Variants in AP3B1 observed in about 807,000 individuals in gnomAD.
The protein encoded by AP3B1 is AP-3 complex subunit beta-1.
A neutral mutation model predicts 132.5 loss-of-function variants in AP3B1; 61 were observed. That is an observed-to-expected ratio of 0.46 (90% CI 0.37 to 0.57). The LOEUF is 0.57. Ranked by LOEUF, AP3B1 falls within the 20% of genes least tolerant of loss-of-function variation. AP3B1 has a pLI of 0.00. For synonymous variants in AP3B1, 388 were observed against 438.3 expected, an observed-to-expected ratio of 0.89 and a Z score of 1.43; for missense variants, 1,120 against 1,289.4, an observed-to-expected ratio of 0.87 and a Z score of 2.01.
chr5:78,127,909 T>C, intron 17 of AP3B1, 121 bp downstream of exon 17: 1 of 1,174,800 alleles, frequency 8.5e-7, no homozygotes, highest in South Asian at 1.2e-5. Flanking sequence ...ACACATTACA[T>C]TTAGAAATAC....
chr5:78,036,403 G>A (rs1747808784), intron 23 of AP3B1, among the ~76,000 whole-genome samples: 1 of 152,136 alleles, frequency 6.6e-6, no homozygotes, highest in African/African-American at 2.4e-5. Flanking sequence ...AGAAGTGGCT[G>A]AAAAACACTG....
At chr5:78,053,621 A>C (rs539726603) in intron 22 of AP3B1, among the ~76,000 whole-genome samples, 1 of 148,498 alleles carries the variant, frequency 6.7e-6, no homozygotes, top group South Asian at 2.2e-4. Context: ...CGGAGGTTAC[A>C]GTGAGCCGAG....
At chr5:78,171,624 T>G (rs1452962660) in intron 11 of AP3B1, among the ~76,000 whole-genome samples, 1 of 152,192 alleles carries the variant, frequency 6.6e-6, no homozygotes, top group Non-Finnish European at 1.5e-5. Context: ...TTTATCAACT[T>G]AAGGAGATTT....
intron 22 of AP3B1, among the ~76,000 whole-genome samples, chr5:78,087,091 C>A (rs374740288): frequency 1.4e-3 from 220 of 152,244 alleles, no homozygotes; most frequent in African/African-American, 4.9e-3. Flanking sequence ...CAAACAGTTA[C>A]ATATCATTGA....
chr5:78,069,569 G>C (rs533075886), intron 22 of AP3B1, among the ~76,000 whole-genome samples: 3 of 152,174 alleles, frequency 2.0e-5, no homozygotes, highest in African/African-American at 7.2e-5. Flanking sequence ...TCTTCAAGGA[G>C]AACTACAAAC....
At chr5:78,225,674 A>C in intron 5 of AP3B1, 66 bp from the exon 6 acceptor site, 1 of 1,010,506 alleles carries the variant, frequency 9.9e-7, no homozygotes, top group South Asian at 1.4e-5. Flanking sequence ...ATGCTCACCA[A>C]TTCAAGGATG....
chr5:78,216,980 GAC>G (rs772559560), intron 6 of AP3B1, among the ~76,000 whole-genome samples: 8 of 151,938 alleles, frequency 5.3e-5, no homozygotes, highest in Non-Finnish European at 1.0e-4. Context: ...TTACTCTAAA[GAC>G]ACAAACTAAG....
chr5:78,261,317 C>T (rs1748081160), intron 2 of AP3B1, among the ~76,000 whole-genome samples: 2 of 152,172 alleles, frequency 1.3e-5, no homozygotes, highest in Admixed American at 1.3e-4. Flanking sequence ...GTAAAGTGAT[C>T]TTACTATGGT....
chr5:78,002,295 AAT>A, downstream of AP3B1: 1 of 256,788 alleles, frequency 3.9e-6, no homozygotes, highest in Admixed American at 5.3e-5. Flanking sequence ...CAGGATTATT[AAT>A]AGTTTCTCAT....
chr5:78,146,050 CAGG>C (rs1234787632), intron 14 of AP3B1, among the ~76,000 whole-genome samples: 4 of 152,260 alleles, frequency 2.6e-5, no homozygotes, highest in African/African-American at 9.6e-5. Context: ...GGTAGAGATT[CAGG>C]AGGACAGAAG....
intron 7 of AP3B1, among the ~76,000 whole-genome samples, chr5:78,209,872 C>T (rs1745661750): frequency 6.6e-6 from 1 of 151,840 alleles, no homozygotes; most frequent in African/African-American, 2.4e-5. Flanking sequence ...TTAAAGTTTT[C>T]TTTTTTAAAA....
intron 19 of AP3B1, among the ~76,000 whole-genome samples, chr5:78,110,886 G>T (rs1751562326): frequency 6.6e-6 from 1 of 151,884 alleles, no homozygotes; most frequent in African/African-American, 2.4e-5. Flanking sequence ...AGCCTCCCAA[G>T]TAGTTGGGAC....
At chr5:78,240,155 T>C (rs925329564) in intron 3 of AP3B1, among the ~76,000 whole-genome samples, 4 of 152,232 alleles carry the variant, frequency 2.6e-5, no homozygotes, top group African/African-American at 9.6e-5. Context: ...CTGTTATTTG[T>C]TAATGAGCTT....
chr5:78,082,672 T>C (rs981971016), intron 22 of AP3B1, among the ~76,000 whole-genome samples: 1 of 152,234 alleles, frequency 6.6e-6, no homozygotes, highest in African/African-American at 2.4e-5. Flanking sequence ...TGTCACTCTG[T>C]CTTTCTAAAT....
intron 2 of AP3B1, among the ~76,000 whole-genome samples, chr5:78,247,932 G>T: frequency 6.6e-6 from 1 of 151,974 alleles, no homozygotes; most frequent in African/African-American, 2.4e-5. Context: ...CTTTTCCTTA[G>T]AAAATTTTTA....
intron 21 of AP3B1, among the ~76,000 whole-genome samples, chr5:78,091,850 G>A (rs1033501918): frequency 6.6e-6 from 1 of 152,190 alleles, no homozygotes; most frequent in Non-Finnish European, 1.5e-5. Flanking sequence ...TTGGGAGTAG[G>A]GAAGAATTTA....
chr5:78,167,941 C>T (rs146032746), intron 11 of AP3B1, among the ~76,000 whole-genome samples: 156 of 145,458 alleles, frequency 1.1e-3, no homozygotes, highest in Non-Finnish European at 1.8e-3. Flanking sequence ...ACGGGTGCAC[C>T]GAAATCTCAG....
At chr5:78,292,523 C>T (rs1432877126) in intron 1 of AP3B1, among the ~76,000 whole-genome samples, 1 of 152,190 alleles carries the variant, frequency 6.6e-6, no homozygotes, top group African/African-American at 2.4e-5. Context: ...CAAATTCAGG[C>T]AGTGCAATGT....
intron 24 of AP3B1, among the ~76,000 whole-genome samples, chr5:78,024,038 G>A (rs559858001): frequency 1.4e-4 from 22 of 152,226 alleles, no homozygotes; most frequent in East Asian, 3.9e-4. Flanking sequence ...TGAGGTGAGC[G>A]GGTTAGCTCT....
Sources: allele counts gnomAD v4.1 joint callset (sites outside exome capture counted in the v4.1 genomes callset), GRCh38; gene constraint gnomAD v4.1.1; transcripts MANE v1.5; gene names NCBI Gene and HGNC (gene_info 2026-07-23, HGNC 2026-07-21).